Variants in RMND1 observed in about 807,000 individuals in gnomAD.
RMND1 encodes required for meiotic nuclear division 1 homolog, also known as required for meiotic nuclear division protein 1 homolog.
A neutral mutation model predicts 54.0 loss-of-function variants in RMND1; 41 were observed. The ratio of observed to expected loss-of-function variants is 0.76; its 90% CI spans 0.59 to 0.98. The LOEUF is 0.98. RMND1 is among the 50% of genes least tolerant of loss of function. RMND1 has a pLI of 0.00. For synonymous variants in RMND1, 183 were observed against 181.7 expected, an observed-to-expected ratio of 1.01 and a Z score of -0.06; for missense variants, 457 against 532.0, an observed-to-expected ratio of 0.86 and a Z score of 1.39.
At chr6:151,415,225 T>C (rs1353402719) in intron 10 of RMND1, among the ~76,000 whole-genome samples, 1 of 151,884 alleles carries the variant, frequency 6.6e-6, no homozygotes, top group East Asian at 1.9e-4. Context: ...TGCAGAAGAA[T>C]AGTTAAGAAA....
chr6:151,406,201 G>C (rs188582196), intron 10 of RMND1, among the ~76,000 whole-genome samples: 1 of 151,980 alleles, frequency 6.6e-6, no homozygotes, highest in African/African-American at 2.4e-5. Flanking sequence ...GAAAATCTAC[G>C]CTTAACATTT....
At chr6:151,423,379 AT>A (rs1780207987) in intron 7 of RMND1, 145 bp downstream of exon 7, 3 of 594,408 alleles carry the variant, frequency 5.0e-6, no homozygotes, top group South Asian at 2.3e-5. Context: ...TATACTAGAT[AT>A]TTTTTCTGAT....
chr6:151,449,060 CAAAAA>C (rs71014585), intron 1 of RMND1, among the ~76,000 whole-genome samples: 2 of 18,678 alleles, frequency 1.1e-4, no homozygotes, highest in African/African-American at 2.5e-4. Flanking sequence ...GACTCTGTCT[CAAAAA>C]AAAAAAAAAA....
intron 10 of RMND1, among the ~76,000 whole-genome samples, chr6:151,416,311 G>C (rs772007340): frequency 6.6e-6 from 1 of 151,968 alleles, no homozygotes; most frequent in Non-Finnish European, 1.5e-5. Context: ...TGGTTGCATG[G>C]ATCTATAGAT....
At chr6:151,425,139 C>T (rs1780258798) in intron 6 of RMND1, among the ~76,000 whole-genome samples, 1 of 152,176 alleles carries the variant, frequency 6.6e-6, no homozygotes, top group South Asian at 2.1e-4. Context: ...GACAGGGCTT[C>T]ACCATGTTGG....
At chr6:151,407,084 GT>G (rs1275737923) in intron 10 of RMND1, among the ~76,000 whole-genome samples, 1 of 151,966 alleles carries the variant, frequency 6.6e-6, no homozygotes, top group Non-Finnish European at 1.5e-5. Flanking sequence ...AGCTCAGGTG[GT>G]CAAGGCTGCA....
At chr6:151,441,209 A>G (rs73783018) in intron 2 of RMND1, among the ~76,000 whole-genome samples, 32,515 of 152,102 alleles carry the variant, frequency 0.21, 3,811 homozygotes, top group African/African-American at 0.32. Context: ...TTTAAAAATT[A>G]TACTTTCATT....
At chr6:151,441,249 G>A (rs1780769539) in intron 2 of RMND1, among the ~76,000 whole-genome samples, 1 of 152,136 alleles carries the variant, frequency 6.6e-6, no homozygotes, top group African/African-American at 2.4e-5. Flanking sequence ...AAATTAGTGT[G>A]TTACAGCAAT....
At chr6:151,414,721 CA>C (rs545174385) in intron 10 of RMND1, among the ~76,000 whole-genome samples, 1 of 152,012 alleles carries the variant, frequency 6.6e-6, no homozygotes, top group African/African-American at 2.4e-5. Flanking sequence ...GAAGATGAAA[CA>C]AAGGACATTA....
At chr6:151,430,335 T>C (rs1780417284) in intron 4 of RMND1, 158 bp from the exon 5 acceptor site, 1 of 521,896 alleles carries the variant, frequency 1.9e-6, no homozygotes, top group African/African-American at 1.9e-5. Flanking sequence ...TAGGTGAACT[T>C]CCTACAATAA....
intron 3 of RMND1, among the ~76,000 whole-genome samples, chr6:151,434,496 T>TG (rs1373106792): frequency 6.6e-6 from 1 of 151,772 alleles, no homozygotes; most frequent in African/African-American, 2.4e-5. Flanking sequence ...TAAAATCGAC[T>TG]GAAACAACCC....
chr6:151,430,922 C>T (rs1780431681), intron 4 of RMND1, among the ~76,000 whole-genome samples: 1 of 151,946 alleles, frequency 6.6e-6, no homozygotes, highest in African/African-American at 2.4e-5. Context: ...TTCTAAAGTA[C>T]TTAGTATATG....
chr6:151,410,307 G>A (rs1210916084), intron 10 of RMND1, among the ~76,000 whole-genome samples: 2 of 152,050 alleles, frequency 1.3e-5, no homozygotes, highest in African/African-American at 4.8e-5. Flanking sequence ...CGCCCTCCTT[G>A]GCCTCCCAAA....
chr6:151,416,382 A>G (rs936074779), intron 10 of RMND1, among the ~76,000 whole-genome samples: 1 of 143,314 alleles, frequency 7.0e-6, no homozygotes, highest in African/African-American at 2.6e-5. Flanking sequence ...TCTGTTTTCT[A>G]TGCTCTTTCC....
At chr6:151,415,688 G>A (rs1190668305) in intron 10 of RMND1, among the ~76,000 whole-genome samples, 1 of 151,376 alleles carries the variant, frequency 6.6e-6, no homozygotes, top group African/African-American at 2.4e-5. Context: ...ACCTACTCAG[G>A]AGGCTGAGGC....
chr6:151,439,434 T>C (rs1780706773), intron 2 of RMND1, among the ~76,000 whole-genome samples: 1 of 152,074 alleles, frequency 6.6e-6, no homozygotes, highest in Non-Finnish European at 1.5e-5. Context: ...CAGAGCTGAG[T>C]CCATTATCCC....
chr6:151,449,882 C>G (rs1385760594), intron 1 of RMND1, among the ~76,000 whole-genome samples: 1 of 152,240 alleles, frequency 6.6e-6, no homozygotes, highest in Non-Finnish European at 1.5e-5. Context: ...AGCTCCTAAC[C>G]GCGAGTGATC....
intron 10 of RMND1, among the ~76,000 whole-genome samples, chr6:151,408,309 T>G (rs999599184): frequency 6.6e-6 from 1 of 151,970 alleles, no homozygotes. Context: ...ATGGCCAACA[T>G]AGCGAAACCC....
intron 2 of RMND1, among the ~76,000 whole-genome samples, chr6:151,437,994 AC>A (rs1780661014): frequency 6.6e-6 from 1 of 152,236 alleles, no homozygotes; most frequent in African/African-American, 2.4e-5. Flanking sequence ...TGGATGTAGT[AC>A]CCTAATTATG....
Sources: allele counts gnomAD v4.1 joint callset (sites outside exome capture counted in the v4.1 genomes callset), GRCh38; gene constraint gnomAD v4.1.1; transcripts MANE v1.5; gene names NCBI Gene and HGNC (gene_info 2026-07-23, HGNC 2026-07-21).